Variants in ADK observed in about 807,000 individuals in gnomAD.
The protein encoded by ADK is adenosine kinase.
ADK carries 24 observed loss-of-function variants against 44.7 expected under a neutral mutation model. The ratio of observed to expected loss-of-function variants is 0.54; its 90% CI spans 0.39 to 0.76. ADK has a LOEUF of 0.76. Among genes scored for constraint, ADK ranks in the 30% least tolerant of loss-of-function variants. The pLI, the probability that ADK is intolerant of heterozygous loss-of-function variation, is 0.00. For synonymous variants in ADK, 128 were observed against 142.6 expected, an observed-to-expected ratio of 0.90 and a Z score of 0.73; for missense variants, 321 against 425.1, an observed-to-expected ratio of 0.76 and a Z score of 2.15.
At chr10:74,508,669 C>T (rs1429828576) in intron 6 of ADK, among the ~76,000 whole-genome samples, 1 of 151,950 alleles carries the variant, frequency 6.6e-6, no homozygotes, top group Non-Finnish European at 1.5e-5. Context: ...GTTAATTCTC[C>T]TTGGGTCTTA....
At position 74,231,959 on chromosome 10, in the gene ADK, TTGTC is replaced by T. The variant is rs1398148452; in HGVS notation, c.194+7370_194+7373del. Among the ~76,000 whole-genome samples, 4 of 151,794 alleles carry T rather than the reference TTGTC, an allele frequency of 2.6e-5. No homozygotes were observed. The East Asian group carries it at 5.8e-4, about 22-fold the overall frequency. ...AGATTTCTTTGCTGCTTTTTTTTGT[TTGTC>T]TTTTTTTTTTTCTTTTACTGATATG... On this transcript the variant is annotated intron_variant, in intron 3 of 10. Transcript: ENST00000539909.
intron 3 of ADK, among the ~76,000 whole-genome samples, chr10:74,304,426 A>T (rs759119745): frequency 6.6e-6 from 1 of 152,196 alleles, no homozygotes; most frequent in Non-Finnish European, 1.5e-5. Flanking sequence ...AGCAAGTATA[A>T]ACACCTTATT....
chr10:74,161,788 T>C (rs1378211509), intron 1 of ADK, among the ~76,000 whole-genome samples: 2 of 151,670 alleles, frequency 1.3e-5, no homozygotes, highest in Non-Finnish European at 2.9e-5. Flanking sequence ...TCACTGCAGC[T>C]TTGACCTCCC....
At chr10:74,653,939 C>T (rs1854381855) in intron 9 of ADK, among the ~76,000 whole-genome samples, 1 of 152,118 alleles carries the variant, frequency 6.6e-6, no homozygotes, top group Admixed American at 6.5e-5. Flanking sequence ...TATGACATTG[C>T]CTTGTGGCAT....
chr10:74,574,410 C>G (rs572854664), intron 7 of ADK, among the ~76,000 whole-genome samples: 2 of 152,154 alleles, frequency 1.3e-5, no homozygotes, highest in South Asian at 4.1e-4. Flanking sequence ...ACCTCGTGAT[C>G]TGCCTGCCTC....
chr10:74,303,943 T>G (rs1840164367), intron 3 of ADK, among the ~76,000 whole-genome samples: 3 of 148,476 alleles, frequency 2.0e-5, no homozygotes, highest in Admixed American at 1.4e-4. Context: ...CACTCCAGCC[T>G]GGGCAACAAG....
At chr10:74,424,800 G>A (rs1202657638) in intron 6 of ADK, among the ~76,000 whole-genome samples, 1 of 151,744 alleles carries the variant, frequency 6.6e-6, no homozygotes, top group Non-Finnish European at 1.5e-5. Flanking sequence ...CTCATATTCT[G>A]TTTTACCTGA....
rs763893667 is a variant in ADK, at chr10:74,478,397, A to C, written c.556-46859A>C. ...ACCACACCTAGCTAATTTTTAAAAA[A>C]AATTTTCATAGAGATGAGTGTCAGT... On this transcript the variant is annotated intron_variant, in intron 6 of 10. Coordinates refer to ENST00000539909, the MANE Select transcript of ADK (RefSeq NM_006721.4). Among the ~76,000 whole-genome samples, 290 of 152,114 alleles carry C rather than the reference A, an allele frequency of 1.9e-3. 15 individuals carry two copies. Among genetic ancestry groups the C allele is most frequent in the Non-Finnish European group, 8.5e-4 (58 of 68,008 alleles).
At chr10:74,211,452 G>A (rs1436878910) in intron 2 of ADK, among the ~76,000 whole-genome samples, 1 of 152,002 alleles carries the variant, frequency 6.6e-6, no homozygotes, top group Non-Finnish European at 1.5e-5. Context: ...AAATGGTTAG[G>A]CTGATTTTTT....
chr10:74,489,982 A>C (rs1280769959), intron 6 of ADK, among the ~76,000 whole-genome samples: 1 of 151,570 alleles, frequency 6.6e-6, no homozygotes, highest in Non-Finnish European at 1.5e-5. Flanking sequence ...AAAAATCACA[A>C]ATAGCATATA....
chr10:74,604,864 C>A (rs1160459915), intron 9 of ADK, among the ~76,000 whole-genome samples: 1 of 152,028 alleles, frequency 6.6e-6, no homozygotes, highest in Non-Finnish European at 1.5e-5. Context: ...TCACGATATT[C>A]TTCCTATCCG....
intron 4 of ADK, among the ~76,000 whole-genome samples, chr10:74,364,806 C>T (rs979357261): frequency 1.3e-5 from 2 of 149,550 alleles, no homozygotes; most frequent in Admixed American, 1.3e-4. Flanking sequence ...TCAGGTACTA[C>T]TTGTGATTTC....
intron 4 of ADK, among the ~76,000 whole-genome samples, chr10:74,351,989 G>A (rs901297145): frequency 6.6e-6 from 1 of 151,804 alleles, no homozygotes; most frequent in South Asian, 2.1e-4. Flanking sequence ...TGGCCATATT[G>A]CCCAAAATAA....
At chr10:74,442,507 G>A (rs901254989) in intron 6 of ADK, among the ~76,000 whole-genome samples, 4 of 152,118 alleles carry the variant, frequency 2.6e-5, no homozygotes, top group South Asian at 2.1e-4. Context: ...TTAGCTGGGC[G>A]TGGTAGCACA....
At chr10:74,700,489 C>T (rs1287170176) in intron 10 of ADK, among the ~76,000 whole-genome samples, 11 of 152,034 alleles carry the variant, frequency 7.2e-5, no homozygotes, top group Admixed American at 6.6e-4. Flanking sequence ...GTGATCCACC[C>T]GCCTCAGCCT....
chr10:74,212,461 T>C (rs996785382), intron 2 of ADK, among the ~76,000 whole-genome samples: 5 of 152,234 alleles, frequency 3.3e-5, no homozygotes, highest in Non-Finnish European at 5.9e-5. Context: ...TTCTTCACAG[T>C]GGCATTATAG....
intron 7 of ADK, among the ~76,000 whole-genome samples, chr10:74,570,095 G>A (rs867013197): frequency 7.9e-5 from 12 of 151,900 alleles, no homozygotes; most frequent in South Asian, 2.1e-4. Flanking sequence ...GATATGCGGC[G>A]TTATTTCTGA....
intron 4 of ADK, among the ~76,000 whole-genome samples, chr10:74,333,018 C>T (rs1289389799): frequency 6.6e-6 from 1 of 151,860 alleles, no homozygotes; most frequent in Admixed American, 6.6e-5. Flanking sequence ...TACAGTCTTT[C>T]TTAAGCTTAA....
chr10:74,184,876 C>T (rs1438893088), intron 1 of ADK, among the ~76,000 whole-genome samples: 4 of 152,058 alleles, frequency 2.6e-5, no homozygotes, highest in Admixed American at 6.5e-5. Context: ...ATTTTGGGTA[C>T]ATTTGGATGT....
Sources: gnomAD v4.1 joint callset for allele counts (sites outside exome capture counted in the v4.1 genomes callset) on GRCh38, gnomAD v4.1.1 for gene constraint, MANE v1.5 for transcripts, NCBI Gene and HGNC (gene_info 2026-07-23, HGNC 2026-07-21) for gene names.